The following PARVA variants were observed in gnomAD, a reference collection of about 807,000 sequenced individuals.
The protein encoded by PARVA is alpha-parvin.
PARVA carries 25 observed loss-of-function variants against 52.6 expected under a neutral mutation model. That is an observed-to-expected ratio of 0.48 (90% CI 0.35 to 0.66). PARVA has a LOEUF of 0.66. Among genes scored for constraint, PARVA ranks in the 30% least tolerant of loss-of-function variants. The pLI is 0.01. For synonymous variants in PARVA, 185 were observed against 179.1 expected (o/e 1.03, Z -0.26); for missense variants, 373 against 450.9 (o/e 0.83, Z 1.56).
intron 1 of PARVA, among the ~76,000 whole-genome samples, chr11:12,424,338 CTATT>C (rs142112336): frequency 0.038 from 5,730 of 152,140 alleles, 225 homozygotes; most frequent in East Asian, 0.24. Flanking sequence ...TATTTATTCT[CTATT>C]TATTTTTCAT....
upstream of PARVA, among the ~76,000 whole-genome samples, chr11:12,376,506 A>C (rs563178101): frequency 6.6e-6 from 1 of 152,362 alleles, no homozygotes; most frequent in Non-Finnish European, 1.5e-5. Flanking sequence ...AGTCACGAGC[A>C]CAACTTCTGA....
chr11:12,398,559 C>T (rs550631393), intron 1 of PARVA, among the ~76,000 whole-genome samples: 1 of 150,190 alleles, frequency 6.7e-6, no homozygotes, highest in African/African-American at 2.4e-5. Context: ...ACAGTCTAGC[C>T]TCTAGGGACC....
chr11:12,440,670 G>A (rs1054598369), intron 1 of PARVA, among the ~76,000 whole-genome samples: 3 of 152,178 alleles, frequency 2.0e-5, no homozygotes, highest in Non-Finnish European at 2.9e-5. Context: ...CAGGTTCTTG[G>A]CAAAATTTGT....
chr11:12,527,986 T>G lies in PARVA; in HGVS notation c.*61T>G. 8.5e-7 allele frequency: 1 copy of G among 1,177,716 alleles called. No individual in the cohort carries two copies. The highest frequency in any genetic ancestry group is 1.3e-6 in the Non-Finnish European group (1 of 783,170). 73.0% of individuals were successfully genotyped at this position (1,177,716 alleles called of 1,614,324 possible). ...TTGCTGTTGGCGTACTGGACCCTCC[T>G]CCGAACTGCCTTACCCTGCTTATTC... On this transcript the variant is annotated 3_prime_UTR_variant, in exon 13 of 13. Coordinates refer to ENST00000334956, the MANE Select transcript of PARVA (RefSeq NM_018222.5).
At chr11:12,399,867 A>G (rs1939801493) in intron 1 of PARVA, among the ~76,000 whole-genome samples, 1 of 152,044 alleles carries the variant, frequency 6.6e-6, no homozygotes, top group African/African-American at 2.4e-5. Flanking sequence ...GTTTTCAGTT[A>G]TTTGCTGTCA....
intron 5 of PARVA, among the ~76,000 whole-genome samples, chr11:12,498,824 G>A (rs1941331401): frequency 6.6e-6 from 1 of 152,108 alleles, no homozygotes; most frequent in Non-Finnish European, 1.5e-5. Context: ...CACCCGCCTT[G>A]GCCTCCCAAA....
intron 4 of PARVA, among the ~76,000 whole-genome samples, chr11:12,490,599 G>A (rs536617921): frequency 5.9e-5 from 9 of 151,286 alleles, no homozygotes; most frequent in East Asian, 3.9e-4. Flanking sequence ...ATAGACCCCC[G>A]CAAAGGAATT....
chr11:12,411,646 GA>G (rs1214029148), intron 1 of PARVA, among the ~76,000 whole-genome samples: 4 of 152,062 alleles, frequency 2.6e-5, no homozygotes, highest in African/African-American at 9.7e-5. Context: ...CCCTCTACTA[GA>G]ATTTATCTGA....
In PARVA at chr11:12,533,465, C is replaced by G. The variant is rs1461809156; in HGVS notation, c.*5540C>G. Among the ~76,000 whole-genome samples, 9 of 152,094 alleles carry G rather than the reference C, an allele frequency of 5.9e-5. No homozygotes were observed. Among genetic ancestry groups the G allele is most frequent in the African/African-American group, 2.2e-4 (9 of 41,426 alleles). ...GCCCACCACATTATATAAAATCTAC[C>G]AAAAGGGGGTCACTTAATGTTTCAC... On this transcript the variant is annotated 3_prime_UTR_variant, in exon 13 of 13. Coordinates refer to ENST00000334956, the MANE Select transcript of PARVA (RefSeq NM_018222.5).
At chr11:12,482,226 G>A (rs942305879) in intron 4 of PARVA, among the ~76,000 whole-genome samples, 4 of 151,900 alleles carry the variant, frequency 2.6e-5, no homozygotes, top group Non-Finnish European at 5.9e-5. Flanking sequence ...ATTACATTGT[G>A]GAGCAAAGAC....
Position 12,418,548 on chromosome 11 carries a change from G to A in PARVA, c.136+40765G>A, listed in dbSNP as rs532568855. 7.2e-5 allele frequency among the ~76,000 whole-genome samples: 11 copies of A among 152,272 alleles called. No individual in the cohort carries two copies. The South Asian group carries it at 1.7e-3, about 23-fold the overall frequency. On this transcript the variant is annotated intron_variant, in intron 1 of 12. Transcript: ENST00000334956. Reference sequence around the variant, plus strand: ...TTGGAGCAGAGCCCAGCTTCTCAGCGTGCCTGCCACAGCCTCCCCCACCCA... The same window carrying A: ...TTGGAGCAGAGCCCAGCTTCTCAGCATGCCTGCCACAGCCTCCCCCACCCA...
At chr11:12,395,401 C>T (rs908556649) in intron 1 of PARVA, among the ~76,000 whole-genome samples, 22 of 152,184 alleles carry the variant, frequency 1.4e-4, no homozygotes, top group African/African-American at 4.3e-4. Context: ...AGCTTTTGAA[C>T]TCTGATTCTG....
intron 4 of PARVA, among the ~76,000 whole-genome samples, chr11:12,487,098 T>C (rs1180309789): frequency 4.6e-5 from 7 of 152,072 alleles, no homozygotes; most frequent in Non-Finnish European, 8.8e-5. Context: ...TCAGTTTGGA[T>C]GGGGAAAAGC....
intron 1 of PARVA, among the ~76,000 whole-genome samples, chr11:12,462,854 G>A (rs150888263): frequency 2.0e-5 from 3 of 152,222 alleles, no homozygotes; most frequent in African/African-American, 7.2e-5. Flanking sequence ...TCTCATCTCA[G>A]CCCTGGAAAC....
At chr11:12,405,898 C>T (rs1265898966) in intron 1 of PARVA, among the ~76,000 whole-genome samples, 2 of 152,126 alleles carry the variant, frequency 1.3e-5, no homozygotes, top group Admixed American at 6.5e-5. Flanking sequence ...GCGGAGGTTG[C>T]CATGAGCTGA....
intron 4 of PARVA, among the ~76,000 whole-genome samples, chr11:12,483,985 G>T (rs1394530488): frequency 6.6e-6 from 1 of 152,150 alleles, no homozygotes; most frequent in Non-Finnish European, 1.5e-5. Flanking sequence ...CAGGGTGATT[G>T]ATGGAAGAAA....
At chr11:12,490,690 G>A (rs1017255701) in intron 4 of PARVA, among the ~76,000 whole-genome samples, 5 of 152,092 alleles carry the variant, frequency 3.3e-5, no homozygotes, top group South Asian at 2.1e-4. Flanking sequence ...TTATCATGGT[G>A]GGTAGATCAA....
Position 12,532,849 on chromosome 11 carries a change from G to A in PARVA, c.*4924G>A, listed in dbSNP as rs552985277. Among the ~76,000 whole-genome samples the A allele has an allele frequency of 3.3e-5, 5 of 152,282 alleles. No homozygotes were observed. The highest frequency in any genetic ancestry group is 1.9e-4 in the East Asian group (1 of 5,182). ...GAGGACACAGAATGAGGGAGAAGACGGATCCGATCGCAGGCATCGGGAGTG... is the reference window on the plus strand; with the variant it reads ...GAGGACACAGAATGAGGGAGAAGACAGATCCGATCGCAGGCATCGGGAGTG... On this transcript the variant is annotated 3_prime_UTR_variant, in exon 13 of 13. Coordinates refer to ENST00000334956, the MANE Select transcript of PARVA (RefSeq NM_018222.5).
intron 1 of PARVA, among the ~76,000 whole-genome samples, chr11:12,435,376 G>C (rs571521693): frequency 6.6e-6 from 1 of 152,274 alleles, no homozygotes; most frequent in Non-Finnish European, 1.5e-5. Context: ...AAGTACAGAG[G>C]GTTGACCATT....
Sources: gnomAD v4.1 joint callset for allele counts (sites outside exome capture counted in the v4.1 genomes callset) on GRCh38, gnomAD v4.1.1 for gene constraint, MANE v1.5 for transcripts, NCBI Gene and HGNC (gene_info 2026-07-23, HGNC 2026-07-21) for gene names.